Variants in ANKMY2 observed in about 807,000 individuals in gnomAD.
The protein encoded by ANKMY2 is ankyrin repeat and MYND domain-containing protein 2.
ANKMY2 carries 36 observed loss-of-function variants against 50.4 expected under a neutral mutation model. That is an observed-to-expected ratio of 0.71 (90% CI 0.55 to 0.94). ANKMY2 has a LOEUF of 0.94. ANKMY2 is among the 40% of genes least tolerant of loss of function. The pLI is 0.00. For synonymous variants in ANKMY2, 187 were observed against 178.8 expected, an observed-to-expected ratio of 1.05 and a Z score of -0.36; for missense variants, 565 against 524.0, an observed-to-expected ratio of 1.08 and a Z score of -0.76.
At position 16,636,423 on chromosome 7, in the gene ANKMY2, T is replaced by C; in HGVS notation, c.100A>G (p.Ser34Gly). 2 of 1,599,908 alleles carry C rather than the reference T, an allele frequency of 1.3e-6. No individual in the cohort carries two copies. The highest frequency in any genetic ancestry group is 1.7e-6 in the Non-Finnish European group (2 of 1,173,424). ...TVQEAGTLLS[S>G]KNVRVNCLDE... Reference sequence around the variant, plus strand: ...AAACAGTTGACACGAACATTCTTGCTGGATAATAATGTTCCAGCTTCTTGG... The same window carrying C: ...AAACAGTTGACACGAACATTCTTGCCGGATAATAATGTTCCAGCTTCTTGG... Residue 34 changes from serine (S) to glycine (G), a missense_variant, in exon 2 of 10, where the codon AGC becomes GGC. Physicochemically the swap from Ser to Gly is moderately conservative, Grantham distance 56 (BLOSUM62 0). Coordinates refer to ENST00000306999, the MANE Select transcript of ANKMY2 (RefSeq NM_020319.3).
intron 9 of ANKMY2, among the ~76,000 whole-genome samples, chr7:16,601,734 A>C (rs1284713404): frequency 6.6e-6 from 1 of 152,194 alleles, no homozygotes; most frequent in African/African-American, 2.4e-5. Context: ...AACATATGAT[A>C]CATTCTCTGG....
intron 4 of ANKMY2, 100 bp from the exon 5 acceptor site, chr7:16,616,004 C>T (rs902209374): frequency 1.9e-5 from 21 of 1,129,772 alleles, no homozygotes; most frequent in African/African-American, 9.5e-5. Context: ...TGTAAACATG[C>T]ACCAATATCT....
At chr7:16,611,838 A>G (rs190626970) in intron 5 of ANKMY2, among the ~76,000 whole-genome samples, 3 of 152,052 alleles carry the variant, frequency 2.0e-5, no homozygotes, top group African/African-American at 4.8e-5. Context: ...CCTTTTTTAC[A>G]TACTCACAAA....
At chr7:16,621,238 T>C (rs1008691979) in intron 4 of ANKMY2, among the ~76,000 whole-genome samples, 4 of 152,148 alleles carry the variant, frequency 2.6e-5, no homozygotes, top group Non-Finnish European at 5.9e-5. Context: ...CACAAATTAC[T>C]AAGAAATAAA....
At chr7:16,632,912 C>T (rs571786662) in intron 2 of ANKMY2, among the ~76,000 whole-genome samples, 1 of 152,170 alleles carries the variant, frequency 6.6e-6, no homozygotes, top group Non-Finnish European at 1.5e-5. Flanking sequence ...TTGCTAATAC[C>T]TGCTATACCA....
intron 5 of ANKMY2, among the ~76,000 whole-genome samples, chr7:16,612,291 T>C (rs1406244690): frequency 6.6e-6 from 1 of 152,242 alleles, no homozygotes; most frequent in African/African-American, 2.4e-5. Flanking sequence ...TAATTAGAAA[T>C]TTAACACAGA....
chr7:16,624,542 T>C (rs1236875137), intron 4 of ANKMY2, among the ~76,000 whole-genome samples: 1 of 152,190 alleles, frequency 6.6e-6, no homozygotes, highest in Non-Finnish European at 1.5e-5. Context: ...ACATGGAAAG[T>C]TCAAGTCTAT....
chr7:16,639,401 A>C (rs775724013), intron 1 of ANKMY2, among the ~76,000 whole-genome samples: 10 of 152,216 alleles, frequency 6.6e-5, no homozygotes, highest in Non-Finnish European at 1.5e-4. Context: ...GATAAGAAAC[A>C]ACAGACCTAA....
Position 16,600,875 on chromosome 7 carries a change from T to G in ANKMY2, c.1212A>C (p.Gln404His), listed in dbSNP as rs1781045311. 1.9e-6 allele frequency: 3 copies of G among 1,613,320 alleles called. No individual in the cohort carries two copies. The East Asian group carries it at 6.7e-5, about 36-fold the overall frequency. Reference protein sequence around the residue: ...EQPEAEVGISQKDSNPEDSGE... With the variant: ...EQPEAEVGISHKDSNPEDSGE... Reference sequence around the variant, plus strand: ...CGGAATCTTCAGGATTGGAATCCTTTTGAGAGATACCTACTTCAGCCTCTG... The same window carrying G: ...CGGAATCTTCAGGATTGGAATCCTTGTGAGAGATACCTACTTCAGCCTCTG... The change falls in exon 10 of 10, where the codon CAA becomes CAC. Residue 404 changes from glutamine to histidine, a missense_variant. By Grantham distance (24) the Gln-to-His change is conservative. Coordinates refer to ENST00000306999, the MANE Select transcript of ANKMY2 (RefSeq NM_020319.3).
chr7:16,623,266 T>A (rs1057039750), intron 4 of ANKMY2, among the ~76,000 whole-genome samples: 2 of 152,162 alleles, frequency 1.3e-5, no homozygotes, highest in Non-Finnish European at 1.5e-5. Context: ...AAGGGTGCAA[T>A]GTAATTTTCT....
At chr7:16,616,377 C>G (rs1444082562) in intron 4 of ANKMY2, among the ~76,000 whole-genome samples, 1 of 152,014 alleles carries the variant, frequency 6.6e-6, no homozygotes, top group Non-Finnish European at 1.5e-5. Context: ...TCCCCTACCC[C>G]CTAAATTTGA....
At position 16,610,714 on chromosome 7, in the gene ANKMY2, A is replaced by C; in HGVS notation, c.581T>G (p.Leu194Arg). The C allele has an allele frequency of 6.2e-7, 1 of 1,613,968 alleles. No homozygotes were observed. The highest frequency in any genetic ancestry group is 8.5e-7 in the Non-Finnish European group (1 of 1,179,968). ...ATCCATCACTCTGTAGCATTTATTC[A>C]GGGCTGCTTCTTCTGTCAGCAGAGG... ...ENPLLTEEAALNKCYRVMDLI... is the reference protein window; with the variant it reads ...ENPLLTEEAARNKCYRVMDLI... Residue 194 changes from leucine to arginine, a missense_variant, in exon 6 of 10, where the codon CTG becomes CGG. Leu to Arg is a moderately radical substitution (Grantham distance 102). Coordinates refer to ENST00000306999, the MANE Select transcript of ANKMY2 (RefSeq NM_020319.3).
chr7:16,628,845 C>T (rs1452496426), intron 2 of ANKMY2, among the ~76,000 whole-genome samples: 3 of 152,084 alleles, frequency 2.0e-5, no homozygotes, highest in Non-Finnish European at 4.4e-5. Context: ...ATCCAACCTA[C>T]AACAAGAGGT....
intron 2 of ANKMY2, among the ~76,000 whole-genome samples, chr7:16,635,650 C>T (rs1357707960): frequency 6.6e-6 from 1 of 152,126 alleles, no homozygotes; most frequent in Non-Finnish European, 1.5e-5. Context: ...GATGTTACCA[C>T]CATTTCCAAA....
chr7:16,616,595 T>C (rs558360533), intron 4 of ANKMY2, among the ~76,000 whole-genome samples: 2 of 152,130 alleles, frequency 1.3e-5, no homozygotes, highest in Non-Finnish European at 2.9e-5. Context: ...TAGCTCCCTC[T>C]CCACTACCTC....
At position 16,610,729 on chromosome 7, in the gene ANKMY2, G is replaced by A. The variant is rs1231210951; in HGVS notation, c.566C>T (p.Thr189Ile). The A allele has an allele frequency of 1.2e-6, 2 of 1,613,850 alleles. No homozygotes were observed. Among genetic ancestry groups the A allele is most frequent in the African/African-American group, 2.7e-5 (2 of 75,034 alleles). The stretch of plus-strand genomic sequence containing the variant: ...GCATTTATTCAGGGCTGCTTCTTCT[G>A]TCAGCAGAGGATTCTCATTTACAAG... Reference protein sequence around the residue: ...VMLVNENPLLTEEAALNKCYR... With the variant: ...VMLVNENPLLIEEAALNKCYR... Residue 189 changes from threonine (T) to isoleucine (I), a missense_variant, in exon 6 of 10, where the codon ACA becomes ATA. By Grantham distance (89) the Thr-to-Ile change is moderately conservative. Coordinates refer to ENST00000306999, the MANE Select transcript of ANKMY2 (RefSeq NM_020319.3).
intron 4 of ANKMY2, among the ~76,000 whole-genome samples, chr7:16,623,973 A>T (rs1781475804): frequency 6.6e-6 from 1 of 152,092 alleles, no homozygotes; most frequent in Non-Finnish European, 1.5e-5. Flanking sequence ...CCTAATTTAC[A>T]CTGTATCTGA....
At position 16,636,474 on chromosome 7, in the gene ANKMY2, T is replaced by C. The variant is rs1038460730; in HGVS notation, c.68-19A>G. On this transcript the variant is annotated intron_variant, in intron 1 of 9. Transcript: ENST00000306999. Reference sequence around the variant, plus strand: ...ACAGTACCTAAAAAAAAAAAAAAGATGAAAAGTAAGGTTATTCGTCACTAG... The same window carrying C: ...ACAGTACCTAAAAAAAAAAAAAAGACGAAAAGTAAGGTTATTCGTCACTAG... 6.2e-6 allele frequency: 9 copies of C among 1,450,134 alleles called. No homozygotes were observed. In the Admixed American group the frequency reaches 1.1e-4, roughly 17 times the overall value. The allele number at this position is 1,450,134 out of a possible 1,614,324, so 89.8% of individuals were successfully genotyped here.
chr7:16,627,759 C>T (rs1457703964), intron 2 of ANKMY2, among the ~76,000 whole-genome samples: 2 of 151,914 alleles, frequency 1.3e-5, no homozygotes, highest in Non-Finnish European at 2.9e-5. Context: ...TTTGATCATA[C>T]ATATGATTTG....
Sources: gnomAD v4.1 joint callset for allele counts (sites outside exome capture counted in the v4.1 genomes callset) on GRCh38, gnomAD v4.1.1 for gene constraint, MANE v1.5 for transcripts, NCBI Gene and HGNC (gene_info 2026-07-23, HGNC 2026-07-21) for gene names.